The following BAG2 variants were observed in gnomAD, a reference collection of about 807,000 sequenced individuals.
BAG2 encodes the protein BAG cochaperone 2, also known as BAG family molecular chaperone regulator 2.
BAG2 carries 8 observed loss-of-function variants against 16.4 expected under a neutral mutation model. The ratio of observed to expected loss-of-function variants is 0.49; its 90% CI spans 0.29 to 0.88. The LOEUF (loss-of-function observed/expected upper bound fraction) is 0.88, where lower values mean the gene tolerates loss of function less well. Among genes scored for constraint, BAG2 ranks in the 40% least tolerant of loss-of-function variants. The pLI is 0.09. For synonymous variants in BAG2, 82 were observed against 89.2 expected, an observed-to-expected ratio of 0.92 and a Z score of 0.46; for missense variants, 218 against 248.9, an observed-to-expected ratio of 0.88 and a Z score of 0.84.
chr6:57,180,961 C>CT lies in BAG2; in HGVS notation c.114-1070dup, dbSNP rs1426365862. ...AATAGAAAAGCAAAATAGGAAAAGTCTATGAATAGGCTAACAAGGATACAA... is the reference window on the plus strand; with the variant it reads ...AATAGAAAAGCAAAATAGGAAAAGTCTTATGAATAGGCTAACAAGGATACAA... On this transcript the variant is annotated intron_variant, in intron 1 of 2. Transcript: ENST00000370693. 3.9e-5 allele frequency among the ~76,000 whole-genome samples: 6 copies of CT among 152,262 alleles called. No individual in the cohort carries two copies. The East Asian group carries it at 1.2e-3, about 29-fold the overall frequency.
Position 57,188,591 on chromosome 6 carries a change from A to G in BAG2, c.*4401A>G, listed in dbSNP as rs960965551. The G allele has an allele frequency of 2.0e-5, 3 of 152,196 alleles. No individual in the cohort carries two copies. The highest frequency in any genetic ancestry group is 2.9e-5 in the Non-Finnish European group (2 of 68,010). The allele number at this position is 152,196 out of a possible 1,614,324, so 9.4% of individuals were successfully genotyped here. The stretch of plus-strand genomic sequence containing the variant: ...AAAATTAAAGAGGAGAGTAGAGAGT[A>G]GAAAATTGAAGAGAGTAGAAAAGAT... On this transcript the variant is annotated 3_prime_UTR_variant, in exon 3 of 3. Transcript: ENST00000370693.
Position 57,184,207 on chromosome 6 carries a change from C to G in BAG2, c.*17C>G, listed in dbSNP as rs745515742. 27 of 1,518,956 alleles carry G rather than the reference C, an allele frequency of 1.8e-5. No individual in the cohort carries two copies. The highest frequency in any genetic ancestry group is 7.9e-6 in the Non-Finnish European group (9 of 1,141,960). The allele number at this position is 1,518,956 out of a possible 1,614,324, so 94.1% of individuals were successfully genotyped here. Reference sequence around the variant, plus strand: ...TTCAATTAGTCTTCAAACCTAAGAGCATTTACACAATACACAAGGTGTAAA... The same window carrying G: ...TTCAATTAGTCTTCAAACCTAAGAGGATTTACACAATACACAAGGTGTAAA... On this transcript the variant is annotated 3_prime_UTR_variant, in exon 3 of 3. Coordinates refer to ENST00000370693, the MANE Select transcript of BAG2 (RefSeq NM_004282.4).
intron 1 of BAG2, chr6:57,173,057 TG>T: frequency 1.2e-6 from 1 of 801,618 alleles, no homozygotes; most frequent in Non-Finnish European, 1.6e-6. Context: ...GCGTTATCGG[TG>T]GCCACACTTT....
At position 57,188,024 on chromosome 6, in the gene BAG2, T is replaced by C. The variant is rs537378211; in HGVS notation, c.*3834T>C. On this transcript the variant is annotated 3_prime_UTR_variant, in exon 3 of 3. Coordinates refer to ENST00000370693, the MANE Select transcript of BAG2 (RefSeq NM_004282.4). ...AGGAAACCTGAGGAACTCTGAAATA[T>C]GGCAGTTATTCCACAGCGATATGTC... is the stretch of plus-strand genomic sequence containing the variant. 8 of 152,304 alleles carry C rather than the reference T, an allele frequency of 5.3e-5. No individual in the cohort carries two copies. The highest frequency in any genetic ancestry group is 3.4e-3 in the Middle Eastern group (1 of 294). 9.4% of individuals were successfully genotyped at this position (152,304 alleles called of 1,614,324 possible). A position where few individuals can be genotyped will look rare whatever the true frequency, so the allele number is the denominator to read the frequency against.
At position 57,186,195 on chromosome 6, in the gene BAG2, CTA is replaced by C. The variant is rs1729423569; in HGVS notation, c.*2007_*2008del. On this transcript the variant is annotated 3_prime_UTR_variant, in exon 3 of 3. Transcript: ENST00000370693. ...GACATATCCACTGTAGCAAGGAACA[CTA>C]TGGAGTATATGAGTTAGGGAAAAGA... 1 of 152,122 alleles carries C rather than the reference CTA, an allele frequency of 6.6e-6. No individual in the cohort carries two copies. The highest frequency in any genetic ancestry group is 2.4e-5 in the African/African-American group (1 of 41,386). 9.4% of individuals were successfully genotyped at this position (152,122 alleles called of 1,614,324 possible). A position where few individuals can be genotyped will look rare whatever the true frequency, so the allele number is the denominator to read the frequency against.
At chr6:57,173,094 G>A in intron 1 of BAG2, 1 of 1,014,090 alleles carries the variant, frequency 9.9e-7, no homozygotes, top group Non-Finnish European at 1.2e-6. Flanking sequence ...GTGTTAGGGA[G>A]CGGAAAAAAA....
intron 1 of BAG2, among the ~76,000 whole-genome samples, chr6:57,177,450 T>C (rs555112636): frequency 8.5e-5 from 13 of 152,304 alleles, no homozygotes; most frequent in Admixed American, 6.5e-4. Context: ...ATTATTTCTT[T>C]CAAATCATGG....
In BAG2 at chr6:57,184,324, T is replaced by C. The variant is rs1041078771; in HGVS notation, c.*134T>C. The stretch of plus-strand genomic sequence containing the variant: ...ATAGTTGTTTCAGATGAGGAAAATA[T>C]TCCATCAAGTATCTTCAGTTTTGTG... On this transcript the variant is annotated 3_prime_UTR_variant, in exon 3 of 3. Transcript: ENST00000370693. 13 of 766,822 alleles carry C rather than the reference T, an allele frequency of 1.7e-5. No individual in the cohort carries two copies. The highest frequency in any genetic ancestry group is 2.2e-5 in the Non-Finnish European group (12 of 540,804). The allele number at this position is 766,822 out of a possible 1,614,324, so 47.5% of individuals were successfully genotyped here. A position where few individuals can be genotyped will look rare whatever the true frequency, so the allele number is the denominator to read the frequency against.
Position 57,184,470 on chromosome 6 carries a change from A to G in BAG2, c.*280A>G, listed in dbSNP as rs997453211. 8.9e-6 allele frequency: 2 copies of G among 224,882 alleles called. No individual in the cohort carries two copies. The highest frequency in any genetic ancestry group is 1.7e-5 in the Non-Finnish European group (2 of 116,304). The allele number at this position is 224,882 out of a possible 1,614,324, so 13.9% of individuals were successfully genotyped here. A position where few individuals can be genotyped will look rare whatever the true frequency, so the allele number is the denominator to read the frequency against. On this transcript the variant is annotated 3_prime_UTR_variant, in exon 3 of 3. Transcript: ENST00000370693. ...TGGATGAATACATAGTTTGTGGGGA[A>G]AACAAACGTTCAGCTAGGGGCAAAA...
chr6:57,181,460 G>A (rs987773346), intron 1 of BAG2, among the ~76,000 whole-genome samples: 12 of 152,314 alleles, frequency 7.9e-5, no homozygotes, highest in Non-Finnish European at 1.2e-4. Flanking sequence ...GGGAGGCTGC[G>A]GTGGGCAGAT....
chr6:57,179,360 C>T (rs1764374209), intron 1 of BAG2, among the ~76,000 whole-genome samples: 1 of 152,154 alleles, frequency 6.6e-6, no homozygotes, highest in African/African-American at 2.4e-5. Context: ...CTTATAAACA[C>T]ACTTTGACAT....
At position 57,172,829 on chromosome 6, in the gene BAG2, G is replaced by T. The variant is rs1229873647; in HGVS notation, c.113+19G>T. On this transcript the variant is annotated intron_variant, in intron 1 of 2. Coordinates refer to ENST00000370693, the MANE Select transcript of BAG2 (RefSeq NM_004282.4). Reference sequence around the variant, plus strand: ...AGCTCAGGTGAGCTCCGGGCGGGCGGTCTCGGGCGTTCTGCTCGCCGCGCG... The same window carrying T: ...AGCTCAGGTGAGCTCCGGGCGGGCGTTCTCGGGCGTTCTGCTCGCCGCGCG... 6.8e-7 allele frequency: 1 copy of T among 1,479,122 alleles called. No homozygotes were observed. The allele number at this position is 1,479,122 out of a possible 1,614,324, so 91.6% of individuals were successfully genotyped here. A position where few individuals can be genotyped will look rare whatever the true frequency, so the allele number is the denominator to read the frequency against.
At position 57,184,349 on chromosome 6, in the gene BAG2, G is replaced by A. The variant is rs1269534632; in HGVS notation, c.*159G>A. ...TTCCATCAAGTATCTTCAGTTTTGT[G>A]AATAACAAAACTAGCAATATTTTAA... On this transcript the variant is annotated 3_prime_UTR_variant, in exon 3 of 3. Transcript: ENST00000370693. 6.6e-6 allele frequency: 4 copies of A among 608,634 alleles called. No individual in the cohort carries two copies. Among genetic ancestry groups the A allele is most frequent in the East Asian group, 6.5e-5 (2 of 30,544 alleles). The allele number at this position is 608,634 out of a possible 1,614,324, so 37.7% of individuals were successfully genotyped here.
At position 57,185,602 on chromosome 6, in the gene BAG2, A is replaced by C. The variant is rs984351144; in HGVS notation, c.*1412A>C. ...CATGTTACTTCCTTTGCCAGCTCCAACTCTGCCTTATTTAAATCTTTGCAT... is the reference window on the plus strand; with the variant it reads ...CATGTTACTTCCTTTGCCAGCTCCACCTCTGCCTTATTTAAATCTTTGCAT... On this transcript the variant is annotated 3_prime_UTR_variant, in exon 3 of 3. Coordinates refer to ENST00000370693, the MANE Select transcript of BAG2 (RefSeq NM_004282.4). 1 of 149,210 alleles carries C rather than the reference A, an allele frequency of 6.7e-6. No individual in the cohort carries two copies. The highest frequency in any genetic ancestry group is 6.7e-5 in the Admixed American group (1 of 14,994). The allele number at this position is 149,210 out of a possible 1,614,324, so 9.2% of individuals were successfully genotyped here. A position where few individuals can be genotyped will look rare whatever the true frequency, so the allele number is the denominator to read the frequency against.
rs1348122723 is a variant in BAG2, at chr6:57,186,982, TCA to T, written c.*2797_*2798del. 6.6e-6 allele frequency: 1 copy of T among 152,182 alleles called. No homozygotes were observed. The highest frequency in any genetic ancestry group is 2.4e-5 in the African/African-American group (1 of 41,448). 9.4% of individuals were successfully genotyped at this position (152,182 alleles called of 1,614,324 possible). A position where few individuals can be genotyped will look rare whatever the true frequency, so the allele number is the denominator to read the frequency against. On this transcript the variant is annotated 3_prime_UTR_variant, in exon 3 of 3. Coordinates refer to ENST00000370693, the MANE Select transcript of BAG2 (RefSeq NM_004282.4). ...CACACTGTTGATACAATCATACATA[TCA>T]CACAAAATTTTAGCTTTGAAATGCA...
At position 57,189,158 on chromosome 6, in the gene BAG2, T is replaced by G. The variant is rs1234925816; in HGVS notation, c.*4968T>G. The G allele has an allele frequency of 2.6e-5, 4 of 152,180 alleles. No homozygotes were observed. Among genetic ancestry groups the G allele is most frequent in the Non-Finnish European group, 5.9e-5 (4 of 68,036 alleles). The allele number at this position is 152,180 out of a possible 1,614,324, so 9.4% of individuals were successfully genotyped here. A position where few individuals can be genotyped will look rare whatever the true frequency, so the allele number is the denominator to read the frequency against. Reference sequence around the variant, plus strand: ...AAGCTACTGTCCCAAGTGACAAAATTTATGTCCTGACACATGATTACATAT... The same window carrying G: ...AAGCTACTGTCCCAAGTGACAAAATGTATGTCCTGACACATGATTACATAT... On this transcript the variant is annotated 3_prime_UTR_variant, in exon 3 of 3. Coordinates refer to ENST00000370693, the MANE Select transcript of BAG2 (RefSeq NM_004282.4).
intron 1 of BAG2, among the ~76,000 whole-genome samples, chr6:57,180,971 G>C (rs1214032940): frequency 1.3e-5 from 2 of 152,152 alleles, no homozygotes; most frequent in Non-Finnish European, 2.9e-5. Flanking sequence ...CTATGAATAG[G>C]CTAACAAGGA....
At chr6:57,175,344 C>G (rs1764249336) in intron 1 of BAG2, among the ~76,000 whole-genome samples, 1 of 152,164 alleles carries the variant, frequency 6.6e-6, no homozygotes, top group Non-Finnish European at 1.5e-5. Flanking sequence ...GTTATAGTTC[C>G]TGGCTCATAA....
At chr6:57,173,013 G>C in intron 1 of BAG2, 1 of 666,054 alleles carries the variant, frequency 1.5e-6, no homozygotes, top group Non-Finnish European at 2.2e-6. Context: ...TAGTCCGAGA[G>C]AAAACGCATT....
Sources: allele counts gnomAD v4.1 joint callset (sites outside exome capture counted in the v4.1 genomes callset), GRCh38; gene constraint gnomAD v4.1.1; transcripts MANE v1.5; gene names NCBI Gene and HGNC (gene_info 2026-07-23, HGNC 2026-07-21).